The following SPOCK3 variants were observed in gnomAD, a reference collection of about 807,000 sequenced individuals.
The protein encoded by SPOCK3 is testican-3.
In SPOCK3, 30 loss-of-function variants were observed where a neutral mutation model predicts 56.6. That is an observed-to-expected ratio of 0.53 (90% CI 0.40 to 0.72). The LOEUF is 0.72. SPOCK3 is among the 30% of genes least tolerant of loss of function. SPOCK3 has a pLI of 0.00. For synonymous variants in SPOCK3, 196 were observed against 183.3 expected (o/e 1.07, Z -0.56); for missense variants, 527 against 530.0 (o/e 0.99, Z 0.06).
At chr4:166,966,016 C>T (rs566139360) in intron 4 of SPOCK3, among the ~76,000 whole-genome samples, 3 of 152,196 alleles carry the variant, frequency 2.0e-5, no homozygotes, top group African/African-American at 2.4e-5. Context: ...TTCCTTCAGA[C>T]CCTGGCAACC....
intron 6 of SPOCK3, among the ~76,000 whole-genome samples, chr4:166,875,502 A>G (rs1235498167): frequency 2.6e-5 from 4 of 152,228 alleles, no homozygotes; most frequent in Non-Finnish European, 4.4e-5. Flanking sequence ...AATTCTATTT[A>G]CCATACTATT....
intron 5 of SPOCK3, 131 bp downstream of exon 5, chr4:166,912,489 T>C (rs954589041): frequency 3.2e-6 from 3 of 948,154 alleles, no homozygotes; most frequent in African/African-American, 3.4e-5. Flanking sequence ...TCCAAACCAG[T>C]GAGATTATTA....
chr4:167,196,519 T>A (rs1198101512), intron 2 of SPOCK3, among the ~76,000 whole-genome samples: 1 of 150,396 alleles, frequency 6.6e-6, no homozygotes, highest in Non-Finnish European at 1.5e-5. Flanking sequence ...CTTTCTTTCT[T>A]TTTTTTTTAC....
intron 2 of SPOCK3, among the ~76,000 whole-genome samples, chr4:167,105,112 T>C (rs1238382109): frequency 2.0e-5 from 3 of 148,200 alleles, no homozygotes; most frequent in African/African-American, 7.4e-5. Flanking sequence ...TGCTAGAGAG[T>C]TTTTCAGTCA....
chr4:167,190,090 C>T (rs1580563634), intron 2 of SPOCK3, among the ~76,000 whole-genome samples: 1 of 146,114 alleles, frequency 6.8e-6, no homozygotes, highest in Admixed American at 7.0e-5. Context: ...TATGCAGATA[C>T]AGATATCTCT....
At chr4:166,991,803 C>T (rs1381424821) in intron 4 of SPOCK3, among the ~76,000 whole-genome samples, 1 of 152,178 alleles carries the variant, frequency 6.6e-6, no homozygotes, top group Non-Finnish European at 1.5e-5. Flanking sequence ...GAGAAACTGA[C>T]ACACTCTGGA....
At chr4:167,192,959 C>T (rs1732602974) in intron 2 of SPOCK3, among the ~76,000 whole-genome samples, 1 of 145,660 alleles carries the variant, frequency 6.9e-6, no homozygotes, top group South Asian at 2.1e-4. Context: ...TGGTAGAATA[C>T]GACACTTGAA....
chr4:167,140,777 T>C (rs2150398242), intron 2 of SPOCK3, among the ~76,000 whole-genome samples: 1 of 152,066 alleles, frequency 6.6e-6, no homozygotes, highest in South Asian at 2.1e-4. Flanking sequence ...CCACGGTCTG[T>C]TCTTTGGGCT....
intron 4 of SPOCK3, among the ~76,000 whole-genome samples, chr4:166,918,185 C>T (rs1003082717): frequency 6.6e-6 from 1 of 152,064 alleles, no homozygotes; most frequent in African/African-American, 2.4e-5. Flanking sequence ...TTGCTATTAG[C>T]TGACTGCAGT....
chr4:166,763,033 A>AAGTAC (rs1737459961), intron 7 of SPOCK3, among the ~76,000 whole-genome samples: 1 of 152,094 alleles, frequency 6.6e-6, no homozygotes, highest in South Asian at 2.1e-4. Context: ...AACAATTACA[A>AAGTAC]ATGCAGATAC....
chr4:167,065,412 C>G (rs1458828625), intron 2 of SPOCK3, among the ~76,000 whole-genome samples: 1 of 151,828 alleles, frequency 6.6e-6, no homozygotes. Context: ...TAAAATCTAA[C>G]CTCAACCACA....
chr4:166,912,107 G>A (rs1165805906), intron 5 of SPOCK3, among the ~76,000 whole-genome samples: 1 of 152,110 alleles, frequency 6.6e-6, no homozygotes, highest in Non-Finnish European at 1.5e-5. Flanking sequence ...GTAGAAGAGA[G>A]AGCAAAGGCA....
intron 2 of SPOCK3, among the ~76,000 whole-genome samples, chr4:167,121,798 C>T (rs757369107): frequency 3.3e-5 from 5 of 152,056 alleles, no homozygotes; most frequent in Non-Finnish European, 5.9e-5. Flanking sequence ...TGAACCTCCT[C>T]GCAGCTTGGG....
intron 6 of SPOCK3, among the ~76,000 whole-genome samples, chr4:166,885,872 T>A (rs967505368): frequency 1.3e-5 from 2 of 152,152 alleles, no homozygotes; most frequent in African/African-American, 4.8e-5. Context: ...ATTAAAATGA[T>A]CTTTTGACTC....
chr4:166,884,040 T>C (rs1733943096), intron 6 of SPOCK3, among the ~76,000 whole-genome samples: 2 of 152,162 alleles, frequency 1.3e-5, no homozygotes, highest in Admixed American at 1.3e-4. Flanking sequence ...TATAACTACA[T>C]ACATGGCTAC....
chr4:166,890,726 T>G (rs1274259157), intron 5 of SPOCK3, among the ~76,000 whole-genome samples: 1 of 152,020 alleles, frequency 6.6e-6, no homozygotes, highest in Admixed American at 6.6e-5. Flanking sequence ...GAATTTATAT[T>G]CTGTTGATTT....
chr4:166,769,395 T>C (rs879763248), intron 7 of SPOCK3, among the ~76,000 whole-genome samples: 1 of 151,984 alleles, frequency 6.6e-6, no homozygotes, highest in Non-Finnish European at 1.5e-5. Flanking sequence ...TTGTTAGTTT[T>C]CTTTCTAACA....
chr4:166,832,832 A>G (rs1746218622), intron 6 of SPOCK3, among the ~76,000 whole-genome samples: 1 of 152,202 alleles, frequency 6.6e-6, no homozygotes, highest in African/African-American at 2.4e-5. Flanking sequence ...ATTCTCACTT[A>G]TAAGTGGGAG....
At chr4:166,826,324 G>A (rs1745478110) in intron 6 of SPOCK3, among the ~76,000 whole-genome samples, 1 of 152,060 alleles carries the variant, frequency 6.6e-6, no homozygotes, top group Non-Finnish European at 1.5e-5. Context: ...TTTGGCAATT[G>A]AAGGTGCTTT....
Sources: gnomAD v4.1 joint callset for allele counts (sites outside exome capture counted in the v4.1 genomes callset) on GRCh38, gnomAD v4.1.1 for gene constraint, MANE v1.5 for transcripts, NCBI Gene and HGNC (gene_info 2026-07-23, HGNC 2026-07-21) for gene names.